SLC2A13: variants seen among roughly 807,000 people sequenced by gnomAD.
SLC2A13 encodes the protein proton myo-inositol cotransporter.
A neutral mutation model predicts 64.4 loss-of-function variants in SLC2A13; 32 were observed. The observed-to-expected ratio is 0.50, with a 90% confidence interval of 0.37 to 0.67. SLC2A13 has a LOEUF of 0.67. Among genes scored for constraint, SLC2A13 ranks in the 30% least tolerant of loss-of-function variants. The probability of loss-of-function intolerance (pLI) is 0.00; values close to 1 mark genes in which losing one functional copy is unlikely to be tolerated. For missense variants in SLC2A13, 743 were observed against 829.2 expected (o/e 0.90, Z 1.28); for synonymous variants, 338 against 327.1 (o/e 1.03, Z -0.36).
intron 4 of SLC2A13, among the ~76,000 whole-genome samples, chr12:39,941,766 G>A (rs575590600): frequency 3.3e-5 from 5 of 152,110 alleles, no homozygotes; most frequent in African/African-American, 9.6e-5. Flanking sequence ...TTGTGTTCTT[G>A]GTCATGAAAT....
chr12:39,910,358 T>G (rs1261316042), intron 4 of SLC2A13, among the ~76,000 whole-genome samples: 3 of 152,122 alleles, frequency 2.0e-5, no homozygotes, highest in Non-Finnish European at 2.9e-5. Flanking sequence ...TAACCACCTA[T>G]GTGGTAAAGT....
intron 4 of SLC2A13, among the ~76,000 whole-genome samples, chr12:39,893,375 C>T (rs1288475906): frequency 6.6e-6 from 1 of 152,238 alleles, no homozygotes; most frequent in Non-Finnish European, 1.5e-5. Context: ...TCTCAGCTGG[C>T]TGCAACCTCC....
chr12:40,091,574 T>A (rs563820307), intron 1 of SLC2A13, among the ~76,000 whole-genome samples: 30 of 152,230 alleles, frequency 2.0e-4, no homozygotes, highest in Non-Finnish European at 3.5e-4. Flanking sequence ...CCTTTCTTTT[T>A]GTACAATCCT....
chr12:39,932,697 C>T (rs1945848858), intron 4 of SLC2A13, among the ~76,000 whole-genome samples: 1 of 152,136 alleles, frequency 6.6e-6, no homozygotes, highest in Non-Finnish European at 1.5e-5. Context: ...CTGAGGTGTG[C>T]TGTTTAAATT....
At chr12:39,766,692 G>T (rs1399235518) in intron 7 of SLC2A13, among the ~76,000 whole-genome samples, 1 of 152,036 alleles carries the variant, frequency 6.6e-6, no homozygotes, top group Non-Finnish European at 1.5e-5. Flanking sequence ...AACTAAGTTC[G>T]TGTGATACTG....
intron 6 of SLC2A13, among the ~76,000 whole-genome samples, chr12:39,846,737 C>G (rs186521343): frequency 6.6e-6 from 1 of 152,298 alleles, no homozygotes; most frequent in East Asian, 1.9e-4. Context: ...TAGGCATGAG[C>G]CACAATGCCC....
At chr12:39,965,139 C>A (rs984768089) in intron 3 of SLC2A13, among the ~76,000 whole-genome samples, 2 of 152,108 alleles carry the variant, frequency 1.3e-5, no homozygotes, top group African/African-American at 2.4e-5. Context: ...TCTATGTATT[C>A]CTGAAAAATC....
chr12:39,895,552 A>ACG (rs1944745514), intron 4 of SLC2A13, among the ~76,000 whole-genome samples: 1 of 124,840 alleles, frequency 8.0e-6, no homozygotes, highest in African/African-American at 3.0e-5. Context: ...ATATATATAT[A>ACG]CACACACACA....
intron 7 of SLC2A13, among the ~76,000 whole-genome samples, chr12:39,795,172 T>G (rs1299600453): frequency 1.3e-5 from 2 of 152,110 alleles, no homozygotes; most frequent in African/African-American, 4.8e-5. Context: ...CTAACGTCTC[T>G]TATATCTTGA....
intron 7 of SLC2A13, among the ~76,000 whole-genome samples, chr12:39,770,804 C>T (rs1229426274): frequency 6.6e-6 from 1 of 152,070 alleles, no homozygotes; most frequent in Non-Finnish European, 1.5e-5. Flanking sequence ...TCCTCTTATC[C>T]ACTTCTCTTA....
chr12:39,789,995 C>T (rs1267837189), intron 7 of SLC2A13, among the ~76,000 whole-genome samples: 2 of 151,822 alleles, frequency 1.3e-5, no homozygotes, highest in Non-Finnish European at 2.9e-5. Context: ...TAGCCACATT[C>T]AAAAAGTAAA....
intron 6 of SLC2A13, among the ~76,000 whole-genome samples, chr12:39,836,397 C>T (rs1043364703): frequency 6.6e-6 from 1 of 152,096 alleles, no homozygotes; most frequent in African/African-American, 2.4e-5. Context: ...CAATCTCTAG[C>T]CTTTCTTTTC....
chr12:40,092,637 T>C (rs1316745653), intron 1 of SLC2A13, among the ~76,000 whole-genome samples: 1 of 152,166 alleles, frequency 6.6e-6, no homozygotes. Flanking sequence ...CCAATACAGA[T>C]GCTCAATAGC....
At chr12:39,958,925 G>A (rs545647921) in intron 3 of SLC2A13, among the ~76,000 whole-genome samples, 7 of 152,000 alleles carry the variant, frequency 4.6e-5, no homozygotes, top group African/African-American at 1.7e-4. Flanking sequence ...GGATTATGTC[G>A]GGTGTGTAGT....
intron 3 of SLC2A13, among the ~76,000 whole-genome samples, chr12:39,981,697 CA>C (rs1175568400): frequency 6.6e-6 from 1 of 151,850 alleles, no homozygotes; most frequent in Non-Finnish European, 1.5e-5. Flanking sequence ...GCTTACCCAC[CA>C]AAAAGAGTCC....
chr12:39,775,305 C>T (rs948446044), intron 7 of SLC2A13, among the ~76,000 whole-genome samples: 7 of 152,170 alleles, frequency 4.6e-5, no homozygotes, highest in East Asian at 3.8e-4. Context: ...TCTTAGGTAA[C>T]GTAAGTTACT....
chr12:39,841,616 C>T (rs1371103647), intron 6 of SLC2A13, among the ~76,000 whole-genome samples: 3 of 152,012 alleles, frequency 2.0e-5, no homozygotes, highest in South Asian at 2.1e-4. Flanking sequence ...TATATACATA[C>T]ATGTATAAAT....
chr12:39,796,422 TA>T (rs10545679), intron 7 of SLC2A13, among the ~76,000 whole-genome samples: 95,469 of 117,544 alleles, frequency 0.81, 38,783 homozygotes, highest in South Asian at 0.91. Context: ...GGACCCATCT[TA>T]AAAAAAAAAA....
intron 4 of SLC2A13, among the ~76,000 whole-genome samples, chr12:39,887,221 A>G (rs766605836): frequency 6.6e-6 from 1 of 152,264 alleles, no homozygotes; most frequent in Non-Finnish European, 1.5e-5. Flanking sequence ...TTGCTGCTAA[A>G]TAAGTTGTCA....
Sources: allele counts gnomAD v4.1 joint callset (sites outside exome capture counted in the v4.1 genomes callset), GRCh38; gene constraint gnomAD v4.1.1; transcripts MANE v1.5; gene names NCBI Gene and HGNC (gene_info 2026-07-23, HGNC 2026-07-21).